Variants in AQP2 observed in about 807,000 individuals in gnomAD.
The protein encoded by AQP2 is aquaporin-2.
Under a neutral mutation model 21.6 loss-of-function variants are expected in AQP2, and 20 were observed. The ratio of observed to expected loss-of-function variants is 0.92; its 90% CI spans 0.65 to 1.34. The LOEUF is 1.34. Ranked by LOEUF, AQP2 falls within the 40% of genes most tolerant of loss-of-function variation. The pLI is 0.00. For synonymous variants in AQP2, 168 were observed against 166.9 expected (o/e 1.01, Z -0.05); for missense variants, 325 against 363.4 (o/e 0.89, Z 0.86).
At chr12:49,954,497 A>G in intron 2 of AQP2, 133 bp from the exon 3 acceptor site, 1 of 1,278,254 alleles carries the variant, frequency 7.8e-7, no homozygotes, top group Non-Finnish European at 1.1e-6. Context: ...GCCCATCTGT[A>G]AATAAAACGT....
At position 49,951,088 on chromosome 12, in the gene AQP2, C is replaced by T. The variant is rs780540045; in HGVS notation, c.258C>T (p.Ala86=). Residue 86 remains alanine, a synonymous_variant, in exon 1 of 4, where the codon GCC becomes GCT. Coordinates refer to ENST00000199280, the MANE Select transcript of AQP2 (RefSeq NM_000486.6). ...GCTGCCACGTCTCCGTTCTCCGAGC[C>T]GCCTTCTACGTGGCTGCCCAGCTGC... ...LVGCHVSVLR[A]AFYVAAQLLG... is the part of the protein sequence containing the mutation. 24 of 1,610,124 alleles carry T rather than the reference C, an allele frequency of 1.5e-5. No homozygotes were observed. The highest frequency in any genetic ancestry group is 1.3e-4 in the South Asian group (12 of 91,010).
chr12:49,951,290 G>C (rs867859925), intron 1 of AQP2, 100 bp downstream of exon 1: 8 of 1,444,790 alleles, frequency 5.5e-6, no homozygotes, highest in Middle Eastern at 4.7e-4. Context: ...TGTAGGGAGA[G>C]AGATGGAGAC....
Position 49,954,626 on chromosome 12 carries a change from G to T in AQP2, c.526-4G>T. ...CTCTCTTTGATGCCCTCCTCCCACT[G>T]CAGATCCATTACACCGGCTGCTCTA... On this transcript the variant is annotated splice_region_variant and splice_polypyrimidine_tract_variant and intron_variant, in intron 2 of 3. Coordinates refer to ENST00000199280, the MANE Select transcript of AQP2 (RefSeq NM_000486.6). 1 of 1,614,118 alleles carries T rather than the reference G, an allele frequency of 6.2e-7. No homozygotes were observed. Among genetic ancestry groups the T allele is most frequent in the South Asian group, 1.1e-5 (1 of 91,078 alleles).
In AQP2 at chr12:49,955,724, T is replaced by A. The variant is rs1311919397; in HGVS notation, c.*116T>A. 7.5e-7 allele frequency: 1 copy of A among 1,332,424 alleles called. No homozygotes were observed. Among genetic ancestry groups the A allele is most frequent in the Non-Finnish European group, 1.0e-6 (1 of 964,750 alleles). 82.5% of individuals were successfully genotyped at this position (1,332,424 alleles called of 1,614,324 possible). On this transcript the variant is annotated 3_prime_UTR_variant, in exon 4 of 4. Coordinates refer to ENST00000199280, the MANE Select transcript of AQP2 (RefSeq NM_000486.6). ...AGTTGGCCCCCCAGCGCAGAGTAGCTGCTTCCTGGACGTGCGCGCCCAGGC... is the reference window on the plus strand; with the variant it reads ...AGTTGGCCCCCCAGCGCAGAGTAGCAGCTTCCTGGACGTGCGCGCCCAGGC...
At position 49,955,754 on chromosome 12, in the gene AQP2, G is replaced by A; in HGVS notation, c.*146G>A. 3 of 1,117,468 alleles carry A rather than the reference G, an allele frequency of 2.7e-6. No individual in the cohort carries two copies. Among genetic ancestry groups the A allele is most frequent in the Non-Finnish European group, 3.9e-6 (3 of 767,790 alleles). 69.2% of individuals were successfully genotyped at this position (1,117,468 alleles called of 1,614,324 possible). On this transcript the variant is annotated 3_prime_UTR_variant, in exon 4 of 4. Transcript: ENST00000199280. Reference sequence around the variant, plus strand: ...CCTGGACGTGCGCGCCCAGGCCAGTGCTGTGAGCAGGCGGGGAGGAGGCTG... The same window carrying A: ...CCTGGACGTGCGCGCCCAGGCCAGTACTGTGAGCAGGCGGGGAGGAGGCTG...
chr12:49,954,485 C>A, intron 2 of AQP2, 145 bp from the exon 3 acceptor site: 1 of 1,235,940 alleles, frequency 8.1e-7, no homozygotes. Context: ...GATATCACTC[C>A]AGCCCATCTG....
intron 3 of AQP2, 98 bp from the exon 4 acceptor site, chr12:49,955,301 G>A (rs781391149): frequency 7.6e-6 from 9 of 1,187,376 alleles, no homozygotes; most frequent in Non-Finnish European, 1.1e-5. Flanking sequence ...TAATGTCGGG[G>A]AGGAGAGGTG....
intron 3 of AQP2, 120 bp downstream of exon 3, chr12:49,954,830 C>T: frequency 1.7e-6 from 2 of 1,169,928 alleles, no homozygotes; most frequent in South Asian, 1.2e-5. Flanking sequence ...CCACACTCCT[C>T]CTGGTCCTGG....
rs144443773 is a variant in AQP2, at chr12:49,951,054, G to A, written c.224G>A (p.Cys75Tyr). The change falls in exon 1 of 4, where the codon TGC becomes TAC. Residue 75 changes from cysteine (C) to tyrosine (Y), a missense_variant. By Grantham distance (194) the Cys-to-Tyr change is radical. Transcript: ENST00000199280. The stretch of plus-strand genomic sequence containing the variant: ...ATCAACCCTGCCGTGACTGTGGCCT[G>A]CCTGGTGGGCTGCCACGTCTCCGTT... The part of the protein sequence containing the change: ...AHINPAVTVA[C>Y]LVGCHVSVLR... The A allele has an allele frequency of 2.5e-6, 4 of 1,612,926 alleles. No homozygotes were observed. The highest frequency in any genetic ancestry group is 3.3e-5 in the Admixed American group (2 of 59,988).
At position 49,955,739 on chromosome 12, in the gene AQP2, C is replaced by G. The variant is rs749686906; in HGVS notation, c.*131C>G. On this transcript the variant is annotated 3_prime_UTR_variant, in exon 4 of 4. Coordinates refer to ENST00000199280, the MANE Select transcript of AQP2 (RefSeq NM_000486.6). Reference sequence around the variant, plus strand: ...GCAGAGTAGCTGCTTCCTGGACGTGCGCGCCCAGGCCAGTGCTGTGAGCAG... The same window carrying G: ...GCAGAGTAGCTGCTTCCTGGACGTGGGCGCCCAGGCCAGTGCTGTGAGCAG... The G allele has an allele frequency of 5.4e-5, 66 of 1,216,636 alleles. No individual in the cohort carries two copies. Among genetic ancestry groups the G allele is most frequent in the Non-Finnish European group, 7.6e-5 (65 of 859,870 alleles). 75.4% of individuals were successfully genotyped at this position (1,216,636 alleles called of 1,614,324 possible).
At position 49,955,766 on chromosome 12, in the gene AQP2, C is replaced by G; in HGVS notation, c.*158C>G. ...CGCCCAGGCCAGTGCTGTGAGCAGG[C>G]GGGGAGGAGGCTGCCGGAGGGAGCC... On this transcript the variant is annotated 3_prime_UTR_variant, in exon 4 of 4. Transcript: ENST00000199280. 1 of 1,040,426 alleles carries G rather than the reference C, an allele frequency of 9.6e-7. No individual in the cohort carries two copies. Among genetic ancestry groups the G allele is most frequent in the Non-Finnish European group, 1.4e-6 (1 of 697,692 alleles). 64.4% of individuals were successfully genotyped at this position (1,040,426 alleles called of 1,614,324 possible).
In AQP2 at chr12:49,955,644, T is replaced by G; in HGVS notation, c.*36T>G. On this transcript the variant is annotated 3_prime_UTR_variant, in exon 4 of 4. Coordinates refer to ENST00000199280, the MANE Select transcript of AQP2 (RefSeq NM_000486.6). ...CGGCCTCTACGGCCCCGACGGACGC[T>G]TGTGAGGCCCGAGGCAGAAGGGCCC... 6.5e-7 allele frequency: 1 copy of G among 1,534,554 alleles called. No homozygotes were observed. The highest frequency in any genetic ancestry group is 8.7e-7 in the Non-Finnish European group (1 of 1,146,240).
rs996139104 is a variant in AQP2 at position 49,957,130 on chromosome 12, C to A, written c.*1522C>A. The A allele has an allele frequency of 6.6e-6, 1 of 152,496 alleles. No homozygotes were observed. The allele number at this position is 152,496 out of a possible 1,614,324, so 9.4% of individuals were successfully genotyped here. A position where few individuals can be genotyped will look rare whatever the true frequency, so the allele number is the denominator to read the frequency against. On this transcript the variant is annotated 3_prime_UTR_variant, in exon 4 of 4. Coordinates refer to ENST00000199280, the MANE Select transcript of AQP2 (RefSeq NM_000486.6). ...ATTTCTGCTTCCTGGGGGAAGGATG[C>A]AGAAGGAGTCTGATGCTCAACATCC... is the stretch of plus-strand genomic sequence containing the variant.
chr12:49,953,059 T>G (rs1036223658), intron 1 of AQP2, among the ~76,000 whole-genome samples: 2 of 152,242 alleles, frequency 1.3e-5, no homozygotes. Flanking sequence ...GAATCCATTT[T>G]CTTATCCCAT....
In AQP2 at chr12:49,955,534, G is replaced by A; in HGVS notation, c.742G>A (p.Glu248Lys). 2 of 1,610,874 alleles carry A rather than the reference G, an allele frequency of 1.2e-6. No homozygotes were observed. The highest frequency in any genetic ancestry group is 1.7e-6 in the Non-Finnish European group (2 of 1,179,382). The change falls in exon 4 of 4, where the codon GAG becomes AAG. Residue 248 changes from glutamate (E) to lysine (K), a missense_variant. Coordinates refer to ENST00000199280, the MANE Select transcript of AQP2 (RefSeq NM_000486.6). ...CCTGGAGCCGGACACCGATTGGGAGGAGCGCGAGGTGCGACGGCGGCAGTC... is the reference window on the plus strand; with the variant it reads ...CCTGGAGCCGGACACCGATTGGGAGAAGCGCGAGGTGCGACGGCGGCAGTC... ...KGLEPDTDWE[E>K]REVRRRQSVE...
At chr12:49,953,112 G>A (rs1169937698) in intron 1 of AQP2, among the ~76,000 whole-genome samples, 1 of 152,188 alleles carries the variant, frequency 6.6e-6, no homozygotes, top group Non-Finnish European at 1.5e-5. Context: ...TAGTCCCATG[G>A]CAAGTCAGAG....
At chr12:49,953,632 C>A (rs766050424) in intron 1 of AQP2, among the ~76,000 whole-genome samples, 1 of 152,122 alleles carries the variant, frequency 6.6e-6, no homozygotes, top group Non-Finnish European at 1.5e-5. Flanking sequence ...GGACTCATAG[C>A]GGAAAGGGGC....
Position 49,955,651 on chromosome 12 carries a change from GCCCGAGGCAGAAGGGCCCAC to G in AQP2, c.*48_*67del. The G allele has an allele frequency of 6.5e-7, 1 of 1,532,140 alleles. No individual in the cohort carries two copies. The highest frequency in any genetic ancestry group is 8.7e-7 in the Non-Finnish European group (1 of 1,144,600). The allele number at this position is 1,532,140 out of a possible 1,614,324, so 94.9% of individuals were successfully genotyped here. A position where few individuals can be genotyped will look rare whatever the true frequency, so the allele number is the denominator to read the frequency against. On this transcript the variant is annotated 3_prime_UTR_variant, in exon 4 of 4. Transcript: ENST00000199280. ...TACGGCCCCGACGGACGCTTGTGAG[GCCCGAGGCAGAAGGGCCCAC>G]CCCGTCCCTCCTCTCCCGCAGGTCT...
In AQP2 at chr12:49,954,621, C is replaced by T; in HGVS notation, c.526-9C>T. ...CCCTTCTCTCTTTGATGCCCTCCTC[C>T]CACTGCAGATCCATTACACCGGCTG... On this transcript the variant is annotated splice_polypyrimidine_tract_variant and intron_variant, in intron 2 of 3. Transcript: ENST00000199280. The T allele has an allele frequency of 6.2e-7, 1 of 1,614,116 alleles. No individual in the cohort carries two copies. The highest frequency in any genetic ancestry group is 8.5e-7 in the Non-Finnish European group (1 of 1,179,926).
Sources: allele counts gnomAD v4.1 joint callset (sites outside exome capture counted in the v4.1 genomes callset), GRCh38; gene constraint gnomAD v4.1.1; transcripts MANE v1.5; gene names NCBI Gene and HGNC (gene_info 2026-07-23, HGNC 2026-07-21).